ATG10: variants seen among roughly 807,000 people sequenced by gnomAD.
The protein encoded by ATG10 is ubiquitin-like-conjugating enzyme ATG10.
Under a neutral mutation model 32.1 loss-of-function variants are expected in ATG10, and 30 were observed. That is an observed-to-expected ratio of 0.94 (90% CI 0.70 to 1.27). The LOEUF (loss-of-function observed/expected upper bound fraction) is 1.27, where lower values mean the gene tolerates loss of function less well. Among genes scored for constraint, ATG10 ranks in the 50% most tolerant of loss-of-function variants. The pLI, the probability that ATG10 is intolerant of heterozygous loss-of-function variation, is 0.00. For missense variants in ATG10, 233 were observed against 262.3 expected (o/e 0.89, Z 0.77); for synonymous variants, 87 against 91.5 (o/e 0.95, Z 0.28).
intron 3 of ATG10, among the ~76,000 whole-genome samples, chr5:82,145,329 C>T (rs1478217005): frequency 6.6e-6 from 1 of 151,758 alleles, no homozygotes; most frequent in Non-Finnish European, 1.5e-5. Context: ...GCTGTTATTC[C>T]TGTTTCCTCT....
In ATG10 at chr5:82,007,272, T is replaced by C. The variant is rs372002009; in HGVS notation, c.108+19594T>C. ...TTAGATGATGACTTCTTGAATTACATAGCCTCGTTCTATTAGGAGATTACA... is the reference window on the plus strand; with the variant it reads ...TTAGATGATGACTTCTTGAATTACACAGCCTCGTTCTATTAGGAGATTACA... On this transcript the variant is annotated intron_variant, in intron 2 of 7. Coordinates refer to ENST00000282185, the MANE Select transcript of ATG10 (RefSeq NM_031482.5). 2.8e-4 allele frequency among the ~76,000 whole-genome samples: 42 copies of C among 152,352 alleles called. 1 individual carries two copies. The East Asian group carries it at 6.0e-3, about 22-fold the overall frequency.
intron 3 of ATG10, among the ~76,000 whole-genome samples, chr5:82,133,062 C>A (rs1224998814): frequency 2.0e-5 from 3 of 152,050 alleles, no homozygotes; most frequent in Non-Finnish European, 4.4e-5. Flanking sequence ...CTGTTAATAT[C>A]CTTCACCCAC....
At chr5:82,139,349 A>G (rs1287805505) in intron 3 of ATG10, among the ~76,000 whole-genome samples, 1 of 143,258 alleles carries the variant, frequency 7.0e-6, no homozygotes, top group Non-Finnish European at 1.5e-5. Flanking sequence ...CCCAGTCTGG[A>G]AAGTGAGGAG....
intron 5 of ATG10, among the ~76,000 whole-genome samples, chr5:82,193,831 C>T (rs1008351453): frequency 2.6e-5 from 4 of 152,222 alleles, no homozygotes; most frequent in African/African-American, 4.8e-5. Context: ...GTTCCTTTAT[C>T]GGATGATAAA....
intron 5 of ATG10, among the ~76,000 whole-genome samples, chr5:82,227,918 T>C (rs535174627): frequency 6.6e-6 from 1 of 152,288 alleles, no homozygotes; most frequent in Non-Finnish European, 1.5e-5. Flanking sequence ...ATAAAAAGTA[T>C]GTATGGGCTG....
chr5:82,020,496 A>G (rs761357814), intron 2 of ATG10, among the ~76,000 whole-genome samples: 2 of 152,210 alleles, frequency 1.3e-5, no homozygotes, highest in Non-Finnish European at 2.9e-5. Context: ...AAACGTAGTG[A>G]CTTAAAACAA....
chr5:82,035,250 T>C (rs777344967), intron 2 of ATG10, among the ~76,000 whole-genome samples: 6 of 152,216 alleles, frequency 3.9e-5, no homozygotes, highest in Non-Finnish European at 7.3e-5. Flanking sequence ...CCACTTGTTC[T>C]ACATATTTAG....
intron 5 of ATG10, 83 bp downstream of exon 5, chr5:82,178,670 A>G (rs1324287375): frequency 1.5e-5 from 13 of 889,736 alleles, no homozygotes; most frequent in Non-Finnish European, 2.2e-5. Flanking sequence ...TCCCTCTCCA[A>G]CTCTTTTCCC....
intron 3 of ATG10, among the ~76,000 whole-genome samples, chr5:82,155,273 A>C (rs1173329219): frequency 6.6e-6 from 1 of 152,212 alleles, no homozygotes; most frequent in Non-Finnish European, 1.5e-5. Flanking sequence ...TTGGAAATGT[A>C]ATGTAACATC....
chr5:82,233,758 A>G (rs1341184372), intron 5 of ATG10, among the ~76,000 whole-genome samples: 1 of 152,182 alleles, frequency 6.6e-6, no homozygotes, highest in African/African-American at 2.4e-5. Flanking sequence ...CTTTCTTACT[A>G]TATAGGGGAG....
chr5:82,215,752 A>T (rs969484566), intron 5 of ATG10, among the ~76,000 whole-genome samples: 3 of 152,004 alleles, frequency 2.0e-5, no homozygotes, highest in African/African-American at 7.3e-5. Context: ...CCTGGCCAAC[A>T]TGGTGAAACC....
chr5:82,092,345 T>A (rs542791392), intron 3 of ATG10, among the ~76,000 whole-genome samples: 8 of 152,340 alleles, frequency 5.3e-5, no homozygotes, highest in African/African-American at 1.9e-4. Flanking sequence ...TTACATTTTA[T>A]AGTATGAAAT....
chr5:82,222,366 G>A (rs1475184990), intron 5 of ATG10, among the ~76,000 whole-genome samples: 1 of 152,184 alleles, frequency 6.6e-6, no homozygotes, highest in Non-Finnish European at 1.5e-5. Context: ...CTGTGAAATG[G>A]TGATCCTAGT....
chr5:82,111,459 A>G (rs1248512855), intron 3 of ATG10: 1 of 151,992 alleles, frequency 6.6e-6, no homozygotes, highest in East Asian at 1.9e-4. Context: ...GATGCTGGTC[A>G]GTTATTCTCT....
chr5:82,145,987 G>A (rs1192510031), intron 3 of ATG10, among the ~76,000 whole-genome samples: 5 of 152,132 alleles, frequency 3.3e-5, no homozygotes, highest in Non-Finnish European at 7.3e-5. Flanking sequence ...GATTACAGGC[G>A]TGAGCCACCG....
intron 1 of ATG10, among the ~76,000 whole-genome samples, chr5:81,985,788 A>T (rs1289137819): frequency 1.3e-5 from 2 of 152,104 alleles, no homozygotes; most frequent in Non-Finnish European, 2.9e-5. Context: ...TCTGAGACGG[A>T]GTGTCGCTCT....
intron 1 of ATG10, among the ~76,000 whole-genome samples, chr5:81,975,688 A>G (rs1760851036): frequency 6.6e-6 from 1 of 152,112 alleles, no homozygotes; most frequent in Admixed American, 6.5e-5. Flanking sequence ...CTCTCAAAAA[A>G]AAAAAGTGTC....
chr5:82,099,545 A>G (rs191146112), intron 3 of ATG10, among the ~76,000 whole-genome samples: 70 of 152,262 alleles, frequency 4.6e-4, no homozygotes, highest in Admixed American at 1.3e-3. Context: ...GTAATATCCA[A>G]TGTTTGGCAT....
At chr5:82,091,409 A>G (rs757516215) in intron 3 of ATG10, among the ~76,000 whole-genome samples, 2 of 151,898 alleles carry the variant, frequency 1.3e-5, no homozygotes, top group African/African-American at 2.4e-5. Context: ...TCTCCAATTC[A>G]GTGGCTTCAT....
Sources: allele counts gnomAD v4.1 joint callset (sites outside exome capture counted in the v4.1 genomes callset), GRCh38; gene constraint gnomAD v4.1.1; transcripts MANE v1.5; gene names NCBI Gene and HGNC (gene_info 2026-07-23, HGNC 2026-07-21).